The following ARSB variants were observed in gnomAD, a reference collection of about 807,000 sequenced individuals.
ARSB encodes N-acetylgalactosamine-4-sulfatase.
Under a neutral mutation model 50.9 loss-of-function variants are expected in ARSB, and 41 were observed. That is an observed-to-expected ratio of 0.81 (90% CI 0.63 to 1.04). The LOEUF is 1.04. ARSB is among the 50% of genes least tolerant of loss of function. The pLI is 0.00. For missense variants in ARSB, 672 were observed against 693.3 expected, an observed-to-expected ratio of 0.97 and a Z score of 0.35; for synonymous variants, 269 against 284.8, an observed-to-expected ratio of 0.94 and a Z score of 0.56.
At position 78,839,372 on chromosome 5, in the gene ARSB, G is replaced by A. The variant is rs200793396; in HGVS notation, c.1197C>T (p.Phe399=). Residue 399 remains phenylalanine (F), a synonymous_variant, in exon 6 of 8, where the codon TTC becomes TTT. Transcript: ENST00000264914. ...GGTACTCACACGGTGAAGAGTCCACGAAGTTCGGGTCAATATTATGCAGCA... is the reference window on the plus strand; with the variant it reads ...GGTACTCACACGGTGAAGAGTCCACAAAGTTCGGGTCAATATTATGCAGCA... ...IELLHNIDPN[F]VDSSPCPRNS... 103 of 1,613,812 alleles carry A rather than the reference G, an allele frequency of 6.4e-5. No homozygotes were observed. The highest frequency in any genetic ancestry group is 9.3e-5 in the African/African-American group (7 of 75,034).
rs1241581858 is a variant in ARSB at position 78,779,418 on chromosome 5, T to C, written c.*979A>G. 6.6e-6 allele frequency: 1 copy of C among 152,184 alleles called. No homozygotes were observed. The highest frequency in any genetic ancestry group is 1.5e-5 in the Non-Finnish European group (1 of 68,038). 9.4% of individuals were successfully genotyped at this position (152,184 alleles called of 1,614,324 possible). ...AAATAGCAGTGCAAGTCTTAATATA[T>C]TATGAAATAAAGCTACAATCACAAT... On this transcript the variant is annotated 3_prime_UTR_variant, in exon 8 of 8. Coordinates refer to ENST00000264914, the MANE Select transcript of ARSB (RefSeq NM_000046.5).
rs1580135703 is a variant in ARSB, at chr5:78,964,424, G to C, written c.682C>G (p.Pro228Ala). 1.2e-6 allele frequency: 2 copies of C among 1,613,812 alleles called. No homozygotes were observed. The highest frequency in any genetic ancestry group is 2.2e-5 in the East Asian group (1 of 44,868). The change falls in exon 3 of 8, where the codon CCA becomes GCA. Residue 228 changes from proline to alanine, a missense_variant. Physicochemically the swap from Pro to Ala is conservative, Grantham distance 27. Transcript: ENST00000264914. Reference sequence around the variant, plus strand: ...ATAGAAGCAAAACTTACCTTCTCTGGTGGATGGTTAGTTATGAGGGCTATA... The same window carrying C: ...ATAGAAGCAAAACTTACCTTCTCTGCTGGATGGTTAGTTATGAGGGCTATA... ...RAIALITNHP[P>A]EKPLFLYLAL...
intron 6 of ARSB, among the ~76,000 whole-genome samples, chr5:78,792,583 T>C (rs758312199): frequency 6.6e-6 from 1 of 152,194 alleles, no homozygotes; most frequent in Non-Finnish European, 1.5e-5. Flanking sequence ...TGAGTTCCTG[T>C]TTCCTTGTAT....
intron 4 of ARSB, among the ~76,000 whole-genome samples, chr5:78,912,404 T>C (rs1160948699): frequency 6.6e-6 from 1 of 152,238 alleles, no homozygotes; most frequent in Admixed American, 6.5e-5. Flanking sequence ...ACAGCTCGTC[T>C]GTAACTCAGC....
chr5:78,911,636 T>C (rs375672689), intron 4 of ARSB, among the ~76,000 whole-genome samples: 2 of 140,034 alleles, frequency 1.4e-5, no homozygotes, highest in East Asian at 4.3e-4. Context: ...ATTAGAAACT[T>C]GAAAGGGGGC....
At chr5:78,872,433 T>TA (rs1270398021) in intron 5 of ARSB, among the ~76,000 whole-genome samples, 3 of 133,626 alleles carry the variant, frequency 2.2e-5, no homozygotes, top group Non-Finnish European at 4.9e-5. Context: ...CCAACAATGA[T>TA]AGACTGGATT....
chr5:78,877,682 C>T (rs1251896225), intron 5 of ARSB, among the ~76,000 whole-genome samples: 1 of 152,164 alleles, frequency 6.6e-6, no homozygotes, highest in Admixed American at 6.5e-5. Flanking sequence ...AGCCACCACA[C>T]CCTGCCTAGC....
At chr5:78,788,548 C>T (rs551819798) in intron 6 of ARSB, among the ~76,000 whole-genome samples, 2 of 152,280 alleles carry the variant, frequency 1.3e-5, no homozygotes, top group East Asian at 3.9e-4. Flanking sequence ...AAGGAAGAAT[C>T]TATAATATCT....
chr5:78,904,440 A>G (rs1244113620), intron 4 of ARSB, among the ~76,000 whole-genome samples: 1 of 150,408 alleles, frequency 6.6e-6, no homozygotes, highest in African/African-American at 2.5e-5. Flanking sequence ...GTTTTCTTTG[A>G]GTTTATCCTG....
chr5:78,787,182 C>T (rs1257174492), intron 6 of ARSB, among the ~76,000 whole-genome samples: 1 of 150,994 alleles, frequency 6.6e-6, no homozygotes, highest in Non-Finnish European at 1.5e-5. Flanking sequence ...TCTCTAGCTC[C>T]TGGCCTCAAG....
chr5:78,794,059 TG>T (rs1328029413), intron 6 of ARSB, among the ~76,000 whole-genome samples: 3 of 152,172 alleles, frequency 2.0e-5, no homozygotes, highest in Non-Finnish European at 4.4e-5. Context: ...TGGTTTCTGC[TG>T]CAACCTTAAC....
rs922938487 is a variant in ARSB, at chr5:78,849,698, G to A, written c.1143-10272C>T. 4.2e-4 allele frequency among the ~76,000 whole-genome samples: 61 copies of A among 146,298 alleles called. 2 individuals are homozygous for A. Among genetic ancestry groups the A allele is most frequent in the Middle Eastern group, 3.5e-3 (1 of 282 alleles). ...TTGATTCTTCCTGTCCATGAGCATG[G>A]AATGTTCTTCCATTTGTTTGTATCC... On this transcript the variant is annotated intron_variant, in intron 5 of 7. Coordinates refer to ENST00000264914, the MANE Select transcript of ARSB (RefSeq NM_000046.5).
At chr5:78,894,985 C>T (rs1408804539) in intron 4 of ARSB, among the ~76,000 whole-genome samples, 1 of 152,176 alleles carries the variant, frequency 6.6e-6, no homozygotes, top group African/African-American at 2.4e-5. Flanking sequence ...GGAGGCCTTG[C>T]AGCAGGAGAC....
At chr5:78,780,711 G>C (rs748034146) in intron 7 of ARSB, 49 bp from the exon 8 acceptor site, 5 of 1,608,810 alleles carry the variant, frequency 3.1e-6, no homozygotes, top group Admixed American at 1.7e-5. Flanking sequence ...ACAGAGGCAG[G>C]TTCTAATTTC....
At chr5:78,857,716 T>C (rs913702213) in intron 5 of ARSB, among the ~76,000 whole-genome samples, 3 of 152,208 alleles carry the variant, frequency 2.0e-5, no homozygotes, top group Non-Finnish European at 4.4e-5. Context: ...TTATTGGCTA[T>C]GGCAGTAAGT....
At chr5:78,929,206 C>T (rs957789279) in intron 4 of ARSB, among the ~76,000 whole-genome samples, 3 of 152,200 alleles carry the variant, frequency 2.0e-5, no homozygotes, top group African/African-American at 7.2e-5. Flanking sequence ...CTCACACAGT[C>T]CCCGAGTTCT....
intron 4 of ARSB, among the ~76,000 whole-genome samples, chr5:78,897,112 T>C (rs1266184677): frequency 6.6e-6 from 1 of 152,184 alleles, no homozygotes; most frequent in Non-Finnish European, 1.5e-5. Context: ...ATTAATTATA[T>C]ATTAAAACCA....
chr5:78,933,834 A>G (rs142034039), intron 4 of ARSB, among the ~76,000 whole-genome samples: 156 of 152,324 alleles, frequency 1.0e-3, no homozygotes, highest in African/African-American at 3.4e-3. Flanking sequence ...TGACCTAAAT[A>G]TAGGGAGATT....
intron 4 of ARSB, among the ~76,000 whole-genome samples, chr5:78,929,721 G>T (rs1580075907): frequency 6.6e-6 from 1 of 151,196 alleles, no homozygotes. Flanking sequence ...AGAACCCTGG[G>T]GGCTGAGATT....
Sources: gnomAD v4.1 joint callset for allele counts (sites outside exome capture counted in the v4.1 genomes callset) on GRCh38, gnomAD v4.1.1 for gene constraint, MANE v1.5 for transcripts, NCBI Gene and HGNC (gene_info 2026-07-23, HGNC 2026-07-21) for gene names.